Variants in MTSS1 observed in about 807,000 individuals in gnomAD.
MTSS1 encodes the protein MTSS I-BAR domain containing 1.
MTSS1 carries 18 observed loss-of-function variants against 79.0 expected under a neutral mutation model. The observed-to-expected ratio is 0.23, with a 90% CI of 0.16 to 0.34. MTSS1 has a LOEUF of 0.34. MTSS1 is among the 10% of genes least tolerant of loss of function. The pLI is 1.00. For missense variants in MTSS1, 815 were observed against 986.2 expected (o/e 0.83, Z 2.33); for synonymous variants, 341 against 368.6 (o/e 0.93, Z 0.86).
chr8:124,606,033 T>G (rs989634036), intron 3 of MTSS1, among the ~76,000 whole-genome samples: 2 of 146,268 alleles, frequency 1.4e-5, no homozygotes, highest in African/African-American at 2.6e-5. Flanking sequence ...GGGAGTGCAG[T>G]GGTGTGATCT....
chr8:124,558,086 A>G (rs1450131233), intron 10 of MTSS1: 1 of 515,638 alleles, frequency 1.9e-6, no homozygotes, highest in East Asian at 3.1e-5. Context: ...TTGACAGCAA[A>G]TAAGCATCTA....
chr8:124,705,345 C>G (rs1365210817), intron 1 of MTSS1, among the ~76,000 whole-genome samples: 2 of 152,168 alleles, frequency 1.3e-5, no homozygotes, highest in Admixed American at 1.3e-4. Flanking sequence ...GTGGCGCATG[C>G]TTGTAGTCCC....
At chr8:124,669,077 A>T (rs563752042) in intron 3 of MTSS1, among the ~76,000 whole-genome samples, 15 of 152,348 alleles carry the variant, frequency 9.8e-5, no homozygotes, top group Middle Eastern at 3.4e-3. Flanking sequence ...GCTGAGCAAA[A>T]GATGGATCTC....
At chr8:124,565,625 C>G (rs201490544) in intron 9 of MTSS1, 37 bp downstream of exon 9, 1 of 1,560,386 alleles carries the variant, frequency 6.4e-7, no homozygotes, top group African/African-American at 1.4e-5. Context: ...AAAAATGACC[C>G]GTCCTGAAAG....
chr8:124,650,103 T>G (rs1210762905), intron 3 of MTSS1, among the ~76,000 whole-genome samples: 1 of 151,616 alleles, frequency 6.6e-6, no homozygotes, highest in Non-Finnish European at 1.5e-5. Context: ...CAATTTCGGC[T>G]CACTGCAACC....
At chr8:124,638,765 A>G (rs1036354997) in intron 3 of MTSS1, among the ~76,000 whole-genome samples, 1 of 152,206 alleles carries the variant, frequency 6.6e-6, no homozygotes, top group East Asian at 1.9e-4. Context: ...TCCAGGATGC[A>G]GGAGGGTAAC....
At chr8:124,572,327 GTTTA>G (rs1191319748) in intron 6 of MTSS1, among the ~76,000 whole-genome samples, 12 of 152,040 alleles carry the variant, frequency 7.9e-5, no homozygotes, top group African/African-American at 2.7e-4. Context: ...AAACTACAAT[GTTTA>G]TTTATTAAAT....
At chr8:124,695,587 T>C (rs146083884) in intron 3 of MTSS1, among the ~76,000 whole-genome samples, 9 of 152,338 alleles carry the variant, frequency 5.9e-5, no homozygotes, top group African/African-American at 1.4e-4. Flanking sequence ...TGGGCATTAA[T>C]TGCAGCAGAG....
At chr8:124,692,144 C>T (rs1317628634) in intron 3 of MTSS1, among the ~76,000 whole-genome samples, 2 of 151,530 alleles carry the variant, frequency 1.3e-5, no homozygotes, top group African/African-American at 2.4e-5. Flanking sequence ...ATTGTCATGC[C>T]TCAGCCTCCC....
intron 6 of MTSS1, among the ~76,000 whole-genome samples, chr8:124,573,830 G>T (rs1303707623): frequency 6.6e-6 from 1 of 152,160 alleles, no homozygotes; most frequent in Non-Finnish European, 1.5e-5. Context: ...TAGTTTCCAG[G>T]TCTTGTGTAT....
intron 6 of MTSS1, among the ~76,000 whole-genome samples, chr8:124,577,350 A>T (rs561937671): frequency 6.6e-6 from 1 of 152,264 alleles, no homozygotes; most frequent in South Asian, 2.1e-4. Flanking sequence ...CCCAGGTTTA[A>T]GCGATTCTTC....
intron 3 of MTSS1, among the ~76,000 whole-genome samples, chr8:124,670,812 G>T (rs759478695): frequency 6.6e-6 from 1 of 152,064 alleles, no homozygotes; most frequent in Non-Finnish European, 1.5e-5. Context: ...TCCAGAGACC[G>T]CAGATTAAAA....
In MTSS1 at chr8:124,699,518, C is replaced by A; in HGVS notation, c.208+8G>T. On this transcript the variant is annotated splice_region_variant and intron_variant, in intron 3 of 13. Transcript: ENST00000518547. Reference sequence around the variant, plus strand: ...GTTAACACTGGGAGTCAGCCTCCATCTGCTTACCACGTGTGTTGGTGGCCA... The same window carrying A: ...GTTAACACTGGGAGTCAGCCTCCATATGCTTACCACGTGTGTTGGTGGCCA... 6.2e-7 allele frequency: 1 copy of A among 1,614,034 alleles called. No individual in the cohort carries two copies. Among genetic ancestry groups the A allele is most frequent in the Non-Finnish European group, 8.5e-7 (1 of 1,179,910 alleles).
intron 3 of MTSS1, among the ~76,000 whole-genome samples, chr8:124,664,340 T>C (rs1374181880): frequency 6.6e-6 from 1 of 152,210 alleles, no homozygotes; most frequent in Admixed American, 6.5e-5. Context: ...TCTAGATAAA[T>C]GCTCCTCTAC....
chr8:124,608,537 T>C (rs1835237094), intron 3 of MTSS1, among the ~76,000 whole-genome samples: 1 of 152,244 alleles, frequency 6.6e-6, no homozygotes, highest in Non-Finnish European at 1.5e-5. Context: ...GTTGCCGACA[T>C]CTTTTCAAGC....
intron 3 of MTSS1, among the ~76,000 whole-genome samples, chr8:124,657,095 T>C (rs1821098176): frequency 6.6e-6 from 1 of 152,190 alleles, no homozygotes. Flanking sequence ...GAATGAATGA[T>C]TGTTAATTTT....
chr8:124,571,836 C>T (rs1033522876), intron 6 of MTSS1, among the ~76,000 whole-genome samples: 13 of 152,138 alleles, frequency 8.5e-5, no homozygotes, highest in South Asian at 4.1e-4. Context: ...TGGTGGCACA[C>T]GCCTGTAGTC....
intron 3 of MTSS1, among the ~76,000 whole-genome samples, chr8:124,604,254 C>A (rs757168591): frequency 6.6e-6 from 1 of 151,856 alleles, no homozygotes; most frequent in Non-Finnish European, 1.5e-5. Flanking sequence ...AAAAAAAAAC[C>A]GTTTCAAGAA....
intron 3 of MTSS1, among the ~76,000 whole-genome samples, chr8:124,632,124 A>G (rs1041450907): frequency 1.3e-5 from 2 of 151,698 alleles, no homozygotes; most frequent in East Asian, 3.9e-4. Context: ...AAAAAAATTT[A>G]AATAATTAGC....
Sources: allele counts gnomAD v4.1 joint callset (sites outside exome capture counted in the v4.1 genomes callset), GRCh38; gene constraint gnomAD v4.1.1; transcripts MANE v1.5; gene names NCBI Gene and HGNC (gene_info 2026-07-23, HGNC 2026-07-21).